GUCY1A2: variants seen among roughly 807,000 people sequenced by gnomAD.
The protein encoded by GUCY1A2 is guanylate cyclase soluble subunit alpha-2.
Under a neutral mutation model 63.5 loss-of-function variants are expected in GUCY1A2, and 27 were observed. The observed-to-expected ratio is 0.43, with a 90% CI of 0.31 to 0.59. The LOEUF (loss-of-function observed/expected upper bound fraction) is 0.59. GUCY1A2 is among the 20% of genes least tolerant of loss of function. The pLI is 0.11. For missense variants in GUCY1A2, 768 were observed against 913.3 expected (o/e 0.84, Z 2.05); for synonymous variants, 364 against 343.5 (o/e 1.06, Z -0.66).
intron 4 of GUCY1A2, 74 bp from the exon 5 acceptor site, chr11:106,810,552 T>G: frequency 8.0e-7 from 1 of 1,246,286 alleles, no homozygotes; most frequent in Non-Finnish European, 1.1e-6. Flanking sequence ...TATTATCTGA[T>G]GAATAGAAAG....
At chr11:106,766,676 G>C (rs537714851) in intron 6 of GUCY1A2, among the ~76,000 whole-genome samples, 71 of 152,144 alleles carry the variant, frequency 4.7e-4, no homozygotes, top group Non-Finnish European at 9.4e-4. Context: ...TAAATCAATA[G>C]TGTGATTAGC....
intron 4 of GUCY1A2, among the ~76,000 whole-genome samples, chr11:106,883,380 TATTC>T (rs528986535): frequency 1.1e-4 from 16 of 152,212 alleles, no homozygotes; most frequent in South Asian, 2.1e-4. Context: ...TATGATAATG[TATTC>T]ATTCATTCAT....
At chr11:106,854,159 G>A (rs1044059233) in intron 4 of GUCY1A2, among the ~76,000 whole-genome samples, 3 of 152,236 alleles carry the variant, frequency 2.0e-5, no homozygotes, top group Non-Finnish European at 4.4e-5. Context: ...AGTGGTAGCT[G>A]AGGAGGGCCA....
intron 4 of GUCY1A2, among the ~76,000 whole-genome samples, chr11:106,929,758 A>G (rs1860576501): frequency 6.6e-6 from 1 of 152,168 alleles, no homozygotes; most frequent in Admixed American, 6.6e-5. Flanking sequence ...CAGTTGTTGG[A>G]AAGTTCCTCT....
chr11:106,898,684 T>C (rs576637294), intron 4 of GUCY1A2, among the ~76,000 whole-genome samples: 1 of 152,292 alleles, frequency 6.6e-6, no homozygotes, highest in Non-Finnish European at 1.5e-5. Flanking sequence ...CAATAGCTGC[T>C]ATCTGGGGTT....
At chr11:106,880,296 A>G (rs1474762280) in intron 4 of GUCY1A2, among the ~76,000 whole-genome samples, 1 of 152,002 alleles carries the variant, frequency 6.6e-6, no homozygotes, top group Non-Finnish European at 1.5e-5. Context: ...AAGCCCATAC[A>G]GGGAGATTAA....
intron 7 of GUCY1A2, among the ~76,000 whole-genome samples, chr11:106,694,394 T>C (rs983020007): frequency 6.6e-6 from 1 of 152,186 alleles, no homozygotes; most frequent in Non-Finnish European, 1.5e-5. Context: ...CAAAAGTACA[T>C]GGCTACCCAG....
Position 106,677,092 on chromosome 11 carries a change from GA to G in GUCY1A2, c.*10456del. 1.9e-5 allele frequency: 4 copies of G among 214,146 alleles called. No individual in the cohort carries two copies. Among genetic ancestry groups the G allele is most frequent in the Non-Finnish European group, 3.8e-5 (4 of 105,884 alleles). The allele number at this position is 214,146 out of a possible 1,614,324, so 13.3% of individuals were successfully genotyped here. On this transcript the variant is annotated 3_prime_UTR_variant, in exon 8 of 8. Coordinates refer to ENST00000526355, the MANE Select transcript of GUCY1A2 (RefSeq NM_000855.3). Reference sequence around the variant, plus strand: ...ACAAAGTGTTCAATCATGTGAAAGTGAAAAAGGGAGGCTCCAGCCCAAATAG... The same window carrying G: ...ACAAAGTGTTCAATCATGTGAAAGTGAAAAGGGAGGCTCCAGCCCAAATAG...
chr11:106,877,756 A>G (rs1859769556), intron 4 of GUCY1A2, among the ~76,000 whole-genome samples: 1 of 152,160 alleles, frequency 6.6e-6, no homozygotes, highest in African/African-American at 2.4e-5. Context: ...CAATTTCAAC[A>G]AAAGCAAAAA....
At chr11:106,920,087 A>T (rs1860422337) in intron 4 of GUCY1A2, among the ~76,000 whole-genome samples, 1 of 152,136 alleles carries the variant, frequency 6.6e-6, no homozygotes, top group Non-Finnish European at 1.5e-5. Context: ...TTTGTTATAA[A>T]GCTTAGAAAC....
intron 6 of GUCY1A2, among the ~76,000 whole-genome samples, chr11:106,710,685 T>C (rs1214231831): frequency 6.6e-6 from 1 of 151,914 alleles, no homozygotes; most frequent in African/African-American, 2.4e-5. Flanking sequence ...CAGTGTACAG[T>C]TGTTATATAA....
chr11:106,912,161 G>A (rs895957392), intron 4 of GUCY1A2, among the ~76,000 whole-genome samples: 2 of 151,642 alleles, frequency 1.3e-5, no homozygotes, highest in African/African-American at 4.8e-5. Flanking sequence ...TTAACTCACT[G>A]GTTCTTACTA....
chr11:106,734,084 G>A (rs996782), intron 6 of GUCY1A2, among the ~76,000 whole-genome samples: 89,714 of 151,914 alleles, frequency 0.59, 26,843 homozygotes, highest in East Asian at 0.86. Flanking sequence ...AACAGGCAAA[G>A]AAGAAAGAAT....
At chr11:106,942,899 TG>T (rs1432395764) in intron 3 of GUCY1A2, among the ~76,000 whole-genome samples, 19 of 152,170 alleles carry the variant, frequency 1.2e-4, no homozygotes, top group African/African-American at 4.6e-4. Flanking sequence ...TTTCAAATGA[TG>T]ATGCTAAGGA....
At chr11:106,890,425 T>G (rs1287923371) in intron 4 of GUCY1A2, among the ~76,000 whole-genome samples, 1 of 152,212 alleles carries the variant, frequency 6.6e-6, no homozygotes, top group Admixed American at 6.5e-5. Context: ...ATGCTGGTTC[T>G]GGCTCTTTGA....
chr11:106,831,593 T>G (rs897683535), intron 4 of GUCY1A2, among the ~76,000 whole-genome samples: 3 of 152,216 alleles, frequency 2.0e-5, no homozygotes, highest in Non-Finnish European at 4.4e-5. Context: ...GAGTTTAGCC[T>G]ATGTGATTCT....
chr11:106,864,209 T>TATA (rs201872091), intron 4 of GUCY1A2, among the ~76,000 whole-genome samples: 4 of 126,020 alleles, frequency 3.2e-5, no homozygotes, highest in Admixed American at 2.3e-4. Flanking sequence ...GAACTTAAAG[T>TATA]ATAATAATAA....
intron 3 of GUCY1A2, among the ~76,000 whole-genome samples, chr11:106,961,616 C>T (rs1165329908): frequency 6.6e-6 from 1 of 152,126 alleles, no homozygotes; most frequent in Non-Finnish European, 1.5e-5. Context: ...ATGAAAGATG[C>T]CACATTCCTT....
chr11:106,781,023 T>A (rs775138092), intron 5 of GUCY1A2, among the ~76,000 whole-genome samples: 1 of 147,380 alleles, frequency 6.8e-6, no homozygotes, highest in Non-Finnish European at 1.5e-5. Flanking sequence ...GCAGGAAAAG[T>A]GAAAGTGTCA....
Sources: allele counts gnomAD v4.1 joint callset (sites outside exome capture counted in the v4.1 genomes callset), GRCh38; gene constraint gnomAD v4.1.1; transcripts MANE v1.5; gene names NCBI Gene and HGNC (gene_info 2026-07-23, HGNC 2026-07-21).